CCDC187: variants seen among roughly 807,000 people sequenced by gnomAD.
The protein encoded by CCDC187 is coiled-coil domain-containing protein 187.
Under a neutral mutation model 38.0 loss-of-function variants are expected in CCDC187, and 32 were observed. That is an observed-to-expected ratio of 0.84 (90% CI 0.64 to 1.13). CCDC187 has a LOEUF of 1.13. CCDC187 is among the 50% of genes most tolerant of loss of function. The pLI is 0.00. For synonymous variants in CCDC187, 333 were observed against 347.9 expected, an observed-to-expected ratio of 0.96 and a Z score of 0.48; for missense variants, 707 against 786.8, an observed-to-expected ratio of 0.90 and a Z score of 1.21.
At chr9:136,299,372 G>A (rs1239353253) in intron 3 of CCDC187, among the ~76,000 whole-genome samples, 8 of 152,136 alleles carry the variant, frequency 5.3e-5, no homozygotes, top group Non-Finnish European at 7.4e-5. Flanking sequence ...CCACCCGGCC[G>A]GCACTGCACC....
upstream of CCDC187, among the ~76,000 whole-genome samples, chr9:136,306,262 G>A (rs986163862): frequency 1.3e-5 from 2 of 152,176 alleles, no homozygotes; most frequent in East Asian, 1.9e-4. Context: ...AGCTGGGTCC[G>A]TACCCATTCA....
In CCDC187 at chr9:136,258,299, G is replaced by C. The variant is rs1414572279; in HGVS notation, c.4366+633C>G. Among the ~76,000 whole-genome samples, 4 of 152,112 alleles carry C rather than the reference G, an allele frequency of 2.6e-5. No individual in the cohort carries two copies. The highest frequency in any genetic ancestry group is 9.7e-5 in the African/African-American group (4 of 41,418). On this transcript the variant is annotated intron_variant, in intron 22 of 25. Coordinates refer to ENST00000638797, the MANE Select transcript of CCDC187 (RefSeq NM_001378188.1). The surrounding 1 kb of genome is among the most constrained non-coding windows in gnomAD (Gnocchi z 4.3). ...TTTGCTCTCCCTGGCCCCAACGGCA[G>C]GGACCCCCCAGTCTATGCCACCCCC...
intron 4 of CCDC187, among the ~76,000 whole-genome samples, chr9:136,293,391 T>TCA (rs1183011559): frequency 1.8e-5 from 2 of 108,644 alleles, no homozygotes; most frequent in African/African-American, 7.0e-5. Flanking sequence ...ACTCACATGC[T>TCA]CACACACTCA....
Position 136,256,192 on chromosome 9 carries a change from A to G in CCDC187, c.4616+19T>C, listed in dbSNP as rs1438443633. 2 of 982,088 alleles carry G rather than the reference A, an allele frequency of 2.0e-6. No homozygotes were observed. Among genetic ancestry groups the G allele is most frequent in the Non-Finnish European group, 2.4e-6 (2 of 827,022 alleles). 60.8% of individuals were successfully genotyped at this position (982,088 alleles called of 1,614,324 possible). A position where few individuals can be genotyped will look rare whatever the true frequency, so the allele number is the denominator to read the frequency against. ...GTGCCTCACGCTCCACCCCTGCTCCAGGGAGCTCAGCCCCACACCTCTGCT... is the reference window on the plus strand; with the variant it reads ...GTGCCTCACGCTCCACCCCTGCTCCGGGGAGCTCAGCCCCACACCTCTGCT... On this transcript the variant is annotated intron_variant, in intron 24 of 25. Transcript: ENST00000638797.
In CCDC187 at chr9:136,267,397, C is replaced by G. The variant is rs1830765647; in HGVS notation, c.3634G>C (p.Glu1212Gln). Residue 1212 changes from glutamate to glutamine, a missense_variant, in exon 16 of 26, where the codon GAG becomes CAG. Physicochemically the swap from Glu to Gln is conservative, Grantham distance 29 (BLOSUM62 2). Transcript: ENST00000638797. ...GCATGCGCTCACCCTCGTCGATGCT[C>G]CAGCCAGGCCAGCTCCGCGAGCGTT... ...EKTLAELAWL[E>Q]HRRGCLDSKR... 1 of 985,538 alleles carries G rather than the reference C, an allele frequency of 1.0e-6. No homozygotes were observed. Among genetic ancestry groups the G allele is most frequent in the Non-Finnish European group, 1.2e-6 (1 of 830,000 alleles). The allele number at this position is 985,538 out of a possible 1,614,324, so 61.0% of individuals were successfully genotyped here.
At position 136,297,668 on chromosome 9, in the gene CCDC187, A is replaced by G. The variant is rs1161810616; in HGVS notation, c.832+46T>C. ...CCATCTGCCTACCTAGAGTGCCAGG[A>G]TCATATGCACCTAGCGTGCCAGGGC... On this transcript the variant is annotated intron_variant, in intron 4 of 25. Transcript: ENST00000638797. The G allele has an allele frequency of 1.0e-5, 4 of 399,442 alleles. No individual in the cohort carries two copies. The East Asian group carries it at 1.4e-4, about 14-fold the overall frequency. 24.7% of individuals were successfully genotyped at this position (399,442 alleles called of 1,614,324 possible). A position where few individuals can be genotyped will look rare whatever the true frequency, so the allele number is the denominator to read the frequency against.
At chr9:136,281,987 G>C (rs985294744) in intron 9 of CCDC187, among the ~76,000 whole-genome samples, 1 of 152,192 alleles carries the variant, frequency 6.6e-6, no homozygotes, top group South Asian at 2.1e-4. Context: ...CGCCAAGCCT[G>C]GCTGCTCGGA....
chr9:136,298,919 A>T (rs1030107365), intron 3 of CCDC187, among the ~76,000 whole-genome samples: 13 of 152,198 alleles, frequency 8.5e-5, no homozygotes, highest in Non-Finnish European at 1.5e-4. Flanking sequence ...TGGGCACTTT[A>T]AAAAAGGGCC....
In CCDC187 at chr9:136,250,816, G is replaced by C. The variant is rs782164455; in HGVS notation, c.*2778C>G. 8 of 456,158 alleles carry C rather than the reference G, an allele frequency of 1.8e-5. No homozygotes were observed. Among genetic ancestry groups the C allele is most frequent in the Middle Eastern group, 3.2e-4 (1 of 3,086 alleles). 28.3% of individuals were successfully genotyped at this position (456,158 alleles called of 1,614,324 possible). A position where few individuals can be genotyped will look rare whatever the true frequency, so the allele number is the denominator to read the frequency against. On this transcript the variant is annotated 3_prime_UTR_variant, in exon 26 of 26. Transcript: ENST00000638797. The stretch of plus-strand genomic sequence containing the variant: ...TGTTAACGGCACCTGGGGCTAAGCA[G>C]CCGCCCCGGGGCTGGAGAAGGCAGG...
chr9:136,253,471 TG>T lies in CCDC187; in HGVS notation c.*122del. 2.4e-6 allele frequency: 1 copy of T among 420,726 alleles called. No homozygotes were observed. Among genetic ancestry groups the T allele is most frequent in the Non-Finnish European group, 3.2e-6 (1 of 313,640 alleles). The allele number at this position is 420,726 out of a possible 1,614,324, so 26.1% of individuals were successfully genotyped here. A position where few individuals can be genotyped will look rare whatever the true frequency, so the allele number is the denominator to read the frequency against. ...CTGACCCCTCACACGACGAGTGCCC[TG>T]GCCAGCTGACAGGTTCAGGCCACTG... On this transcript the variant is annotated 3_prime_UTR_variant, in exon 26 of 26. Transcript: ENST00000638797.
At chr9:136,301,111 A>C (rs1831670498) in intron 2 of CCDC187, among the ~76,000 whole-genome samples, 1 of 152,202 alleles carries the variant, frequency 6.6e-6, no homozygotes, top group Non-Finnish European at 1.5e-5. Flanking sequence ...ACGTAGCACC[A>C]GGAAGGAGGT....
intron 10 of CCDC187, among the ~76,000 whole-genome samples, chr9:136,279,447 T>C (rs1588660869): frequency 3.3e-5 from 5 of 152,122 alleles, no homozygotes; most frequent in East Asian, 1.9e-4. Flanking sequence ...CATAGGATGG[T>C]GAATGAGGTA....
In CCDC187 at chr9:136,253,949, G is replaced by A. The variant is rs1445727597; in HGVS notation, c.5879C>T (p.Ala1960Val). Reference sequence around the variant, plus strand: ...GGCCCCATTCCCACCAGGCCCAGGCGCCCGGCTCTCAGCTACTGGAGGTGC... The same window carrying A: ...GGCCCCATTCCCACCAGGCCCAGGCACCCGGCTCTCAGCTACTGGAGGTGC... The part of the protein sequence containing the change: ...RLAPPVAESR[A>V]PGPGGNGAPT... The change falls in exon 26 of 26, where the codon GCG becomes GTG. Residue 1960 changes from alanine (A) to valine (V), a missense_variant. By Grantham distance (64) the Ala-to-Val change is moderately conservative. Coordinates refer to ENST00000638797, the MANE Select transcript of CCDC187 (RefSeq NM_001378188.1). The A allele has an allele frequency of 1.2e-5, 12 of 985,562 alleles. No individual in the cohort carries two copies. The highest frequency in any genetic ancestry group is 1.0e-4 in the African/African-American group (6 of 57,336). 61.1% of individuals were successfully genotyped at this position (985,562 alleles called of 1,614,324 possible).
chr9:136,255,774 C>T (rs1305128019), intron 24 of CCDC187, 41 bp from the exon 25 acceptor site: 1 of 950,088 alleles, frequency 1.1e-6, no homozygotes, highest in Admixed American at 6.2e-5. Context: ...GGATCCTGGT[C>T]CTCCTGGCCT....
chr9:136,254,043 G>A lies in CCDC187; in HGVS notation c.5785C>T (p.Pro1929Ser). Residue 1929 changes from proline (P) to serine (S), a missense_variant, in exon 26 of 26, where the codon CCG becomes TCG. Pro to Ser is a moderately conservative substitution (Grantham distance 74). Transcript: ENST00000638797. Reference protein sequence around the residue: ...DPSPSTKSKLPYLMPEPETPV... With the variant: ...DPSPSTKSKLSYLMPEPETPV... Reference sequence around the variant, plus strand: ...GTCTCGGGCTCTGGCATGAGGTACGGGAGTTTGCTCTTGGTGGATGGGCTC... The same window carrying A: ...GTCTCGGGCTCTGGCATGAGGTACGAGAGTTTGCTCTTGGTGGATGGGCTC... The A allele has an allele frequency of 1.0e-6, 1 of 985,374 alleles. No individual in the cohort carries two copies. The highest frequency in any genetic ancestry group is 1.2e-6 in the Non-Finnish European group (1 of 829,918). The allele number at this position is 985,374 out of a possible 1,614,324, so 61.0% of individuals were successfully genotyped here.
chr9:136,304,860 C>A (rs905942361), upstream of CCDC187, among the ~76,000 whole-genome samples: 10 of 152,354 alleles, frequency 6.6e-5, 2 homozygotes, highest in South Asian at 2.1e-3. Flanking sequence ...TCCCAAGTGG[C>A]CCCAGAGAAG....
Position 136,303,281 on chromosome 9 carries a change from A to T in CCDC187, c.156T>A (p.Pro52=). 2.5e-6 allele frequency: 1 copy of T among 397,704 alleles called. No individual in the cohort carries two copies. Among genetic ancestry groups the T allele is most frequent in the Non-Finnish European group, 4.4e-6 (1 of 225,996 alleles). 24.6% of individuals were successfully genotyped at this position (397,704 alleles called of 1,614,324 possible). A position where few individuals can be genotyped will look rare whatever the true frequency, so the allele number is the denominator to read the frequency against. The change falls in exon 2 of 26, where the codon CCT becomes CCA. Residue 52 remains proline, a synonymous_variant. Transcript: ENST00000638797. ...GGGCTGCCACGTCATCCTCAGCTGC[A>T]GGTGCGCAGAGCCTGGGAGGGAACG... ...KAVAKPRLCA[P]AAEDDVAALR... is the part of the protein sequence containing the mutation.
At position 136,302,810 on chromosome 9, in the gene CCDC187, A is replaced by G; in HGVS notation, c.625+2T>C. ...CCCCTCTCTGGCAAAGTGGCCACTG[A>G]CCTGAGCATTCAGGGGCTGGAGGGG... On this transcript the variant is annotated splice_donor_variant, in intron 2 of 25. Transcript: ENST00000638797. LOFTEE classifies it high-confidence loss of function. 2.5e-6 allele frequency: 1 copy of G among 398,976 alleles called. No homozygotes were observed. The highest frequency in any genetic ancestry group is 4.4e-6 in the Non-Finnish European group (1 of 226,372). The allele number at this position is 398,976 out of a possible 1,614,324, so 24.7% of individuals were successfully genotyped here. A position where few individuals can be genotyped will look rare whatever the true frequency, so the allele number is the denominator to read the frequency against.
intron 9 of CCDC187, 81 bp downstream of exon 9, chr9:136,285,432 T>C: frequency 3.4e-5 from 1 of 29,530 alleles, no homozygotes; most frequent in South Asian, 2.6e-4. Context: ...GGCGGGCAGG[T>C]GGGCAGGTGG....
Sources: allele counts gnomAD v4.1 joint callset (sites outside exome capture counted in the v4.1 genomes callset), GRCh38; gene constraint gnomAD v4.1.1; non-coding constraint Gnocchi (gnomAD v3.1); transcripts MANE v1.5; gene names NCBI Gene and HGNC (gene_info 2026-07-23, HGNC 2026-07-21).